Variants in ST7L observed in about 807,000 individuals in gnomAD.
The protein encoded by ST7L is suppression of tumorigenicity 7 like.
ST7L carries 57 observed loss-of-function variants against 72.5 expected under a neutral mutation model. The observed-to-expected ratio is 0.79, with a 90% CI of 0.64 to 0.98. ST7L has a LOEUF of 0.98. Among genes scored for constraint, ST7L ranks in the 50% least tolerant of loss-of-function variants. The pLI, the probability that ST7L is intolerant of heterozygous loss-of-function variation, is 0.00. For synonymous variants in ST7L, 221 were observed against 240.9 expected, an observed-to-expected ratio of 0.92 and a Z score of 0.77; for missense variants, 576 against 672.2, an observed-to-expected ratio of 0.86 and a Z score of 1.58.
At chr1:112,556,669 T>A (rs1659158578) in intron 11 of ST7L, among the ~76,000 whole-genome samples, 1 of 152,028 alleles carries the variant, frequency 6.6e-6, no homozygotes, top group Non-Finnish European at 1.5e-5. Context: ...CGGTGAGTAC[T>A]TTATTAGAGG....
At chr1:112,555,491 G>A (rs1658960890) in intron 12 of ST7L, among the ~76,000 whole-genome samples, 1 of 152,170 alleles carries the variant, frequency 6.6e-6, no homozygotes, top group Admixed American at 6.5e-5. Flanking sequence ...CATGAACCCA[G>A]GAGGCAGAGC....
downstream of ST7L, among the ~76,000 whole-genome samples, chr1:112,519,872 C>CTTCTTTTTTTTTTTT (rs10634267): frequency 8.6e-5 from 10 of 115,642 alleles, no homozygotes; most frequent in South Asian, 2.7e-4. Context: ...GCCCATGCTT[C>CTTCTTTTTTTTTTTT]TTTTTTTTTT....
intron 11 of ST7L, among the ~76,000 whole-genome samples, chr1:112,562,095 T>C (rs1660261897): frequency 6.6e-6 from 1 of 151,894 alleles, no homozygotes. Flanking sequence ...ACCTCCTTAG[T>C]AGCTGGGACT....
chr1:112,609,845 G>A (rs1174221216), intron 3 of ST7L, among the ~76,000 whole-genome samples: 4 of 151,938 alleles, frequency 2.6e-5, no homozygotes, highest in Non-Finnish European at 4.4e-5. Flanking sequence ...ATAAATTTGC[G>A]ATTACTCGAC....
At chr1:112,528,228 A>AC (rs1335263809) in intron 14 of ST7L, 1 of 152,174 alleles carries the variant, frequency 6.6e-6, no homozygotes, top group African/African-American at 2.4e-5. Flanking sequence ...AATAGAGGGA[A>AC]CTGGTATGTG....
intron 3 of ST7L, among the ~76,000 whole-genome samples, chr1:112,609,158 C>T (rs1438648924): frequency 1.3e-5 from 2 of 151,920 alleles, no homozygotes; most frequent in Non-Finnish European, 2.9e-5. Flanking sequence ...GAGACCTCAT[C>T]TCTATTAAAA....
At chr1:112,599,059 C>CAAAAAAA (rs761424885) in intron 4 of ST7L, among the ~76,000 whole-genome samples, 70 of 5,194 alleles carry the variant, frequency 0.013, 14 homozygotes, top group Admixed American at 0.014. Flanking sequence ...GACTCAGCCT[C>CAAAAAAA]AAAAAAAAAA....
rs116031115 is a variant in ST7L, at chr1:112,537,940, G to T, written c.1629+4011C>A. Among the ~76,000 whole-genome samples the T allele has an allele frequency of 1.2e-3, 189 of 152,326 alleles. 1 individual carries two copies. The highest frequency in any genetic ancestry group is 4.4e-3 in the African/African-American group (182 of 41,572). On this transcript the variant is annotated intron_variant, in intron 14 of 14. Transcript: ENST00000358039. ...CATTCCCTTTCATTTCTCTAAATCT[G>T]ATGTACAGTGAGAATTATTTAAAAT...
chr1:112,520,559 AG>A, downstream of ST7L: 4 of 1,584,354 alleles, frequency 2.5e-6, no homozygotes, highest in Non-Finnish European at 3.4e-6. Context: ...TCAACTCAAA[AG>A]CACAAGATCC....
chr1:112,584,217 T>C, intron 6 of ST7L, 91 bp from the exon 7 acceptor site: 2 of 1,304,728 alleles, frequency 1.5e-6, no homozygotes, highest in Non-Finnish European at 2.0e-6. Context: ...TCATATTTCC[T>C]TACCTACACT....
At chr1:112,566,411 C>T (rs1661057919) in intron 11 of ST7L, among the ~76,000 whole-genome samples, 1 of 149,168 alleles carries the variant, frequency 6.7e-6, no homozygotes, top group Non-Finnish European at 1.5e-5. Flanking sequence ...GATTCTCCTG[C>T]CTCAGCCTCC....
At chr1:112,575,670 C>T (rs541823749) in intron 11 of ST7L, among the ~76,000 whole-genome samples, 3 of 152,232 alleles carry the variant, frequency 2.0e-5, no homozygotes, top group African/African-American at 7.2e-5. Flanking sequence ...CTACTCAGAA[C>T]GGCATGCAAC....
downstream of ST7L, chr1:112,520,520 A>G: frequency 1.2e-6 from 2 of 1,611,826 alleles, no homozygotes; most frequent in Non-Finnish European, 1.7e-6. Flanking sequence ...ACACACAGAT[A>G]CCTCACTCAT....
At chr1:112,566,217 G>A (rs142637428) in intron 11 of ST7L, among the ~76,000 whole-genome samples, 7 of 151,510 alleles carry the variant, frequency 4.6e-5, no homozygotes, top group East Asian at 1.9e-4. Flanking sequence ...CTAAATATGC[G>A]GCTTGATGAG....
Position 112,571,390 on chromosome 1 carries a change from T to C in ST7L, c.1245+5596A>G, listed in dbSNP as rs550990500. 4.4e-4 allele frequency: 196 copies of C among 448,982 alleles called. 3 individuals carry two copies. In the Admixed American group the frequency reaches 4.7e-3, roughly 11 times the overall value. The allele number at this position is 448,982 out of a possible 1,614,324, so 27.8% of individuals were successfully genotyped here. A position where few individuals can be genotyped will look rare whatever the true frequency, so the allele number is the denominator to read the frequency against. On this transcript the variant is annotated intron_variant, in intron 11 of 14. Transcript: ENST00000358039. Reference sequence around the variant, plus strand: ...TGACATTAAAATGTTAAAGTGTATATGTGTGTATGTATATCTATCTATCTA... The same window carrying C: ...TGACATTAAAATGTTAAAGTGTATACGTGTGTATGTATATCTATCTATCTA...
intron 11 of ST7L, among the ~76,000 whole-genome samples, chr1:112,574,123 C>T (rs1662650606): frequency 6.7e-6 from 1 of 149,340 alleles, no homozygotes; most frequent in Non-Finnish European, 1.5e-5. Flanking sequence ...CACCATGCTG[C>T]CCTGGGTGGT....
intron 11 of ST7L, among the ~76,000 whole-genome samples, chr1:112,556,465 A>G (rs918312520): frequency 6.6e-6 from 1 of 152,194 alleles, no homozygotes; most frequent in Non-Finnish European, 1.5e-5. Context: ...ATATTTGTGC[A>G]ATTCTTTTTT....
chr1:112,532,831 C>T (rs1358315819), intron 14 of ST7L, among the ~76,000 whole-genome samples: 2 of 152,052 alleles, frequency 1.3e-5, no homozygotes, highest in Non-Finnish European at 2.9e-5. Flanking sequence ...CAATTAAAAC[C>T]CAATATTTTA....
intron 2 of ST7L, among the ~76,000 whole-genome samples, chr1:112,611,585 G>GA (rs1368099333): frequency 6.6e-6 from 1 of 152,080 alleles, no homozygotes; most frequent in East Asian, 1.9e-4. Context: ...TTCCCATATT[G>GA]AACCATTTAA....
Sources: allele counts gnomAD v4.1 joint callset (sites outside exome capture counted in the v4.1 genomes callset), GRCh38; gene constraint gnomAD v4.1.1; transcripts MANE v1.5; gene names NCBI Gene and HGNC (gene_info 2026-07-23, HGNC 2026-07-21).